Variants in CORO2B observed in about 807,000 individuals in gnomAD.
CORO2B encodes the protein coronin 2B.
CORO2B carries 26 observed loss-of-function variants against 58.8 expected under a neutral mutation model. The ratio of observed to expected loss-of-function variants is 0.44; its 90% CI spans 0.32 to 0.61. The LOEUF (loss-of-function observed/expected upper bound fraction) is 0.61. Among genes scored for constraint, CORO2B ranks in the 20% least tolerant of loss-of-function variants. CORO2B has a pLI of 0.04. For synonymous variants in CORO2B, 242 were observed against 253.8 expected, an observed-to-expected ratio of 0.95 and a Z score of 0.44; for missense variants, 460 against 645.1, an observed-to-expected ratio of 0.71 and a Z score of 3.11.
At chr15:68,643,161 T>G (rs1595985296) in intron 1 of CORO2B, among the ~76,000 whole-genome samples, 2 of 152,222 alleles carry the variant, frequency 1.3e-5, no homozygotes, top group African/African-American at 4.8e-5. Flanking sequence ...CATGACTGGC[T>G]AAAATTAACT....
At chr15:68,675,699 A>G (rs1340488236) in intron 2 of CORO2B, among the ~76,000 whole-genome samples, 1 of 152,198 alleles carries the variant, frequency 6.6e-6, no homozygotes, top group Non-Finnish European at 1.5e-5. Flanking sequence ...ACAAGTTAGT[A>G]CATATTTAAA....
rs1260536469 is a variant in CORO2B, at chr15:68,579,088, G to C, written c.-175G>C. ...CGACGAGCGGCGGGCGAGCGCCGAC[G>C]AGCGGTCCCTGCGCGCTGCCCGCCC... On this transcript the variant is annotated 5_prime_UTR_variant, in exon 1 of 12. Coordinates refer to ENST00000261861, the MANE Select transcript of CORO2B (RefSeq NM_006091.5). The C allele has an allele frequency of 1.0e-6, 1 of 983,202 alleles. No homozygotes were observed. 60.9% of individuals were successfully genotyped at this position (983,202 alleles called of 1,614,324 possible). A position where few individuals can be genotyped will look rare whatever the true frequency, so the allele number is the denominator to read the frequency against.
chr15:68,531,555 G>GAAAGAAAGAAAGA, the CORO2B span, among the ~76,000 whole-genome samples: 6 of 77,798 alleles, frequency 7.7e-5, no homozygotes, highest in South Asian at 4.1e-4. Flanking sequence ...AAGGAAGGAA[G>GAAAGAAAGAAAGA]GAAAGAAAGA....
chr15:68,648,375 AG>A, intron 2 of CORO2B, among the ~76,000 whole-genome samples: 1 of 139,200 alleles, frequency 7.2e-6, no homozygotes, highest in East Asian at 2.2e-4. Context: ...GGCCGGGTGC[AG>A]TGGCTCACGC....
the CORO2B span, among the ~76,000 whole-genome samples, chr15:68,546,946 G>C: frequency 6.6e-6 from 1 of 152,134 alleles, no homozygotes; most frequent in Non-Finnish European, 1.5e-5. Flanking sequence ...CAATGGATTT[G>C]AAAAATAAAT....
chr15:68,656,858 G>A (rs541555566), intron 2 of CORO2B, among the ~76,000 whole-genome samples: 2 of 152,310 alleles, frequency 1.3e-5, no homozygotes, highest in Admixed American at 6.5e-5. Flanking sequence ...TGAGGATTCA[G>A]TGAGGTGTTA....
chr15:68,625,191 C>G (rs1595975028), intron 1 of CORO2B, among the ~76,000 whole-genome samples: 1 of 152,088 alleles, frequency 6.6e-6, no homozygotes. Flanking sequence ...GTTTAGGAAT[C>G]TCTAAACTTG....
At chr15:68,683,387 G>A (rs563170470) in intron 2 of CORO2B, among the ~76,000 whole-genome samples, 1 of 152,208 alleles carries the variant, frequency 6.6e-6, no homozygotes, top group Non-Finnish European at 1.5e-5. Flanking sequence ...GCTCTGTGGC[G>A]GGGGAGGAGA....
At chr15:68,705,891 G>GGT (rs1487244830) in intron 3 of CORO2B, among the ~76,000 whole-genome samples, 3 of 152,186 alleles carry the variant, frequency 2.0e-5, no homozygotes, top group African/African-American at 7.2e-5. Context: ...CCTCAAGACA[G>GGT]GTTAACTGGC....
the CORO2B span, among the ~76,000 whole-genome samples, chr15:68,556,805 C>G: frequency 2.0e-5 from 3 of 152,192 alleles, no homozygotes. Flanking sequence ...GCCCACGTGA[C>G]CTTGTCATGG....
In CORO2B at chr15:68,710,836, C is replaced by A; in HGVS notation, c.438C>A (p.His146Gln). 1 of 1,610,942 alleles carries A rather than the reference C, an allele frequency of 6.2e-7. No homozygotes were observed. Among genetic ancestry groups the A allele is most frequent in the Non-Finnish European group, 8.5e-7 (1 of 1,178,864 alleles). ...GGCGTGTGGGGCTGGTCGAGTGGCA[C>A]CCCACCACCAACAACATCCTGTTCA... Reference protein sequence around the residue: ...HSRRVGLVEWHPTTNNILFSA... With the variant: ...HSRRVGLVEWQPTTNNILFSA... The change falls in exon 4 of 12, where the codon CAC (histidine) becomes CAA (glutamine). Residue 146 changes from histidine (H) to glutamine (Q), a missense_variant. His to Gln is a conservative substitution (Grantham distance 24, BLOSUM62 0). This residue lies in a region of CORO2B where 352 missense variants were observed against 543.0 expected (regional missense o/e 0.65). Coordinates refer to ENST00000261861, the MANE Select transcript of CORO2B (RefSeq NM_006091.5). This position sits in a 1 kb window ranked among gnomAD's most constrained non-coding sequence, Gnocchi z 4.1.
intron 1 of CORO2B, among the ~76,000 whole-genome samples, chr15:68,605,088 T>G (rs1900074605): frequency 6.7e-6 from 1 of 149,456 alleles, no homozygotes; most frequent in Admixed American, 6.7e-5. Context: ...CACTCCAGTC[T>G]GGGCAACAGA....
intron 2 of CORO2B, among the ~76,000 whole-genome samples, chr15:68,653,816 C>T (rs928732499): frequency 1.3e-5 from 2 of 151,438 alleles, no homozygotes; most frequent in African/African-American, 4.9e-5. Flanking sequence ...CCCCATCACT[C>T]CCCCACAATC....
intron 1 of CORO2B, among the ~76,000 whole-genome samples, chr15:68,581,664 C>A (rs150501226): frequency 6.6e-6 from 1 of 152,024 alleles, no homozygotes; most frequent in African/African-American, 2.4e-5. Flanking sequence ...AAGAAAGTCA[C>A]CTCTGATGGA....
At chr15:68,564,307 CTT>C in the CORO2B span, among the ~76,000 whole-genome samples, 30 of 142,416 alleles carry the variant, frequency 2.1e-4, no homozygotes, top group Non-Finnish European at 2.5e-4. Context: ...GCAGTGAAAT[CTT>C]TTTTTTTTTT....
intron 8 of CORO2B, among the ~76,000 whole-genome samples, chr15:68,718,497 C>T: frequency 6.6e-6 from 1 of 152,170 alleles, no homozygotes; most frequent in Admixed American, 6.5e-5. Context: ...GCAGGTCTGG[C>T]CCAAGGAGCT....
chr15:68,652,943 G>A (rs1901686717), intron 2 of CORO2B, among the ~76,000 whole-genome samples: 1 of 152,146 alleles, frequency 6.6e-6, no homozygotes, highest in Non-Finnish European at 1.5e-5. Flanking sequence ...ATGTCTTAGA[G>A]GATTTCCTTG....
At chr15:68,719,052 T>G (rs530305321) in intron 9 of CORO2B, 92 bp from the exon 10 acceptor site, 1 of 1,058,660 alleles carries the variant, frequency 9.4e-7, no homozygotes. Context: ...GCAGGTAGAG[T>G]GACTGGAGAT....
the CORO2B span, among the ~76,000 whole-genome samples, chr15:68,555,214 G>C: frequency 6.6e-6 from 1 of 152,232 alleles, no homozygotes; most frequent in Non-Finnish European, 1.5e-5. Flanking sequence ...ACTGGGAAAA[G>C]TGAGTCCTGA....
Sources: allele counts gnomAD v4.1 joint callset (sites outside exome capture counted in the v4.1 genomes callset), GRCh38; gene constraint gnomAD v4.1.1; regional missense constraint gnomAD v4.1.1; non-coding constraint Gnocchi (gnomAD v3.1); transcripts MANE v1.5; gene names NCBI Gene and HGNC (gene_info 2026-07-23, HGNC 2026-07-21).